Variants in ZNF827 observed in about 807,000 individuals in gnomAD.
ZNF827 encodes the protein zinc finger protein 827.
In ZNF827, 13 loss-of-function variants were observed where a neutral mutation model predicts 102.4. The observed-to-expected ratio is 0.13, with a 90% CI of 0.08 to 0.20. The LOEUF (loss-of-function observed/expected upper bound fraction) is 0.20. ZNF827 is among the 10% of genes least tolerant of loss of function. ZNF827 has a pLI of 1.00. For synonymous variants in ZNF827, 523 were observed against 536.2 expected, an observed-to-expected ratio of 0.98 and a Z score of 0.34; for missense variants, 1,103 against 1,344.4, an observed-to-expected ratio of 0.82 and a Z score of 2.81.
chr4:145,789,386 G>A (rs909465158), intron 8 of ZNF827, among the ~76,000 whole-genome samples: 1 of 152,140 alleles, frequency 6.6e-6, no homozygotes. Context: ...ATCAGAGTTT[G>A]TTAAAAGTAT....
At chr4:145,807,557 A>G (rs746852785) in intron 8 of ZNF827, among the ~76,000 whole-genome samples, 25 of 152,002 alleles carry the variant, frequency 1.6e-4, no homozygotes, top group African/African-American at 2.9e-4. Context: ...ACTGCAACCA[A>G]CGCCTCCTGG....
At chr4:145,841,852 T>C (rs1220170229) in intron 7 of ZNF827, among the ~76,000 whole-genome samples, 1 of 152,148 alleles carries the variant, frequency 6.6e-6, no homozygotes, top group Non-Finnish European at 1.5e-5. Context: ...CCTTGGTGGA[T>C]TGTTTTTCTC....
intron 5 of ZNF827, among the ~76,000 whole-genome samples, chr4:145,859,488 T>C (rs1747499965): frequency 6.6e-6 from 1 of 152,136 alleles, no homozygotes; most frequent in Admixed American, 6.5e-5. Context: ...GTCGTTGGAC[T>C]GTGGGGTGGG....
Position 145,884,553 on chromosome 4 carries a change from C to T in ZNF827, c.1747+1125G>A, listed in dbSNP as rs574511567. Reference sequence around the variant, plus strand: ...AATTCTCCACCGACCTTTCCCCACCCCCTACATCTCCTTTAAAATTTAAAA... The same window carrying T: ...AATTCTCCACCGACCTTTCCCCACCTCCTACATCTCCTTTAAAATTTAAAA... On this transcript the variant is annotated intron_variant, in intron 4 of 14. Coordinates refer to ENST00000508784, the MANE Select transcript of ZNF827 (RefSeq NM_001306215.2). Among the ~76,000 whole-genome samples, 22 of 152,252 alleles carry T rather than the reference C, an allele frequency of 1.4e-4. No homozygotes were observed. The South Asian group carries it at 4.4e-3, about 30-fold the overall frequency.
At chr4:145,928,139 A>G (rs1753564474) in intron 1 of ZNF827, among the ~76,000 whole-genome samples, 1 of 152,194 alleles carries the variant, frequency 6.6e-6, no homozygotes, top group South Asian at 2.1e-4. Flanking sequence ...AATACCATCA[A>G]TAAGCTGACC....
At chr4:145,783,812 A>G (rs1738462273) in intron 8 of ZNF827, among the ~76,000 whole-genome samples, 1 of 152,216 alleles carries the variant, frequency 6.6e-6, no homozygotes, top group Non-Finnish European at 1.5e-5. Flanking sequence ...AAAGGGAAAG[A>G]TGGGAAAAGT....
chr4:145,915,447 C>G (rs1446405719), intron 1 of ZNF827, among the ~76,000 whole-genome samples: 1 of 145,656 alleles, frequency 6.9e-6, no homozygotes, highest in Non-Finnish European at 1.5e-5. Flanking sequence ...AACTCCGTCT[C>G]AAAAAAAAAA....
At chr4:145,905,680 C>T (rs1209541010) in intron 1 of ZNF827, among the ~76,000 whole-genome samples, 1 of 152,138 alleles carries the variant, frequency 6.6e-6, no homozygotes, top group Non-Finnish European at 1.5e-5. Context: ...AACAATAGGG[C>T]TAATTTTATG....
intron 5 of ZNF827, among the ~76,000 whole-genome samples, chr4:145,854,313 G>A (rs913079433): frequency 4.6e-5 from 7 of 151,914 alleles, no homozygotes; most frequent in African/African-American, 1.5e-4. Flanking sequence ...GAGATGGGAA[G>A]TCATCTGAAT....
rs753538225 is a variant in ZNF827 at position 145,876,288 on chromosome 4, T to C, written c.1748-5810A>G. ...GGGGGTGGGGGACTGTCTTGCACAT[T>C]GTAGGATATTTAACAGCATCCTTGG... On this transcript the variant is annotated intron_variant, in intron 4 of 14. Coordinates refer to ENST00000508784, the MANE Select transcript of ZNF827 (RefSeq NM_001306215.2). Among the ~76,000 whole-genome samples the C allele has an allele frequency of 4.1e-4, 63 of 152,228 alleles. 1 individual carries two copies. Among genetic ancestry groups the C allele is most frequent in the Non-Finnish European group, 1.9e-4 (13 of 68,038 alleles).
In ZNF827 at chr4:145,779,558, A is replaced by G. The variant is rs1195980944; in HGVS notation, c.2384-47T>C. ...TCATGAGAAATAAGGCAACAAGAAT[A>G]CATTTTCTGTTAGTCAACATTCAGG... On this transcript the variant is annotated intron_variant, in intron 8 of 14. Transcript: ENST00000508784. The G allele has an allele frequency of 5.6e-6, 9 of 1,593,246 alleles. No homozygotes were observed. In the South Asian group the frequency reaches 1.0e-4, roughly 18 times the overall value.
chr4:145,860,346 C>T (rs978421587), intron 5 of ZNF827, among the ~76,000 whole-genome samples: 4 of 152,092 alleles, frequency 2.6e-5, no homozygotes, highest in African/African-American at 4.8e-5. Flanking sequence ...TCCCCATAAA[C>T]GCCCTCTACC....
At chr4:145,811,645 A>C (rs553647674) in intron 8 of ZNF827, among the ~76,000 whole-genome samples, 38 of 152,306 alleles carry the variant, frequency 2.5e-4, no homozygotes, top group African/African-American at 9.1e-4. Flanking sequence ...ACAATTTTTT[A>C]ATCATTTAAA....
intron 8 of ZNF827, among the ~76,000 whole-genome samples, chr4:145,784,475 T>C (rs762616639): frequency 4.6e-5 from 7 of 152,156 alleles, no homozygotes; most frequent in Non-Finnish European, 1.0e-4. Flanking sequence ...AAATCCCCCA[T>C]CCTGTGAAGA....
At chr4:145,878,260 G>T (rs77188052) in intron 4 of ZNF827, among the ~76,000 whole-genome samples, 8,210 of 152,178 alleles carry the variant, frequency 0.054, 655 homozygotes, top group East Asian at 0.37. Context: ...CCCAAGAGGA[G>T]GAAAATATAC....
At chr4:145,837,871 A>G (rs751430911) in intron 7 of ZNF827, among the ~76,000 whole-genome samples, 32 of 151,666 alleles carry the variant, frequency 2.1e-4, no homozygotes, top group Non-Finnish European at 3.8e-4. Context: ...ATCACCCCTT[A>G]CAAGACCTCC....
chr4:145,776,007 G>C (rs1419222237), intron 9 of ZNF827, 47 bp from the exon 10 acceptor site: 2 of 1,611,118 alleles, frequency 1.2e-6, no homozygotes, highest in African/African-American at 1.3e-5. Context: ...TTCAAAAAAG[G>C]AAGTCCCAAC....
chr4:145,933,834 T>C (rs1306560231), intron 1 of ZNF827, among the ~76,000 whole-genome samples: 1 of 151,992 alleles, frequency 6.6e-6, no homozygotes, highest in Non-Finnish European at 1.5e-5. Flanking sequence ...CCTCATCCTT[T>C]CCCTCTTCAG....
chr4:145,872,409 A>C (rs1266066475), intron 4 of ZNF827, among the ~76,000 whole-genome samples: 2 of 152,180 alleles, frequency 1.3e-5, no homozygotes, highest in African/African-American at 4.8e-5. Flanking sequence ...CTGCAAAACA[A>C]GGAGAGAGGC....
Sources: gnomAD v4.1 joint callset for allele counts (sites outside exome capture counted in the v4.1 genomes callset) on GRCh38, gnomAD v4.1.1 for gene constraint, MANE v1.5 for transcripts, NCBI Gene and HGNC (gene_info 2026-07-23, HGNC 2026-07-21) for gene names.